The following CMIP variants were observed in gnomAD, a reference collection of about 807,000 sequenced individuals.
CMIP encodes C-Maf-inducing protein.
A neutral mutation model predicts 97.3 loss-of-function variants in CMIP; 13 were observed. The ratio of observed to expected loss-of-function variants is 0.13; its 90% CI spans 0.09 to 0.21. The LOEUF (loss-of-function observed/expected upper bound fraction) is 0.21. CMIP is among the 10% of genes least tolerant of loss of function. CMIP has a pLI of 1.00. For synonymous variants in CMIP, 538 were observed against 436.3 expected (o/e 1.23, Z -2.91); for missense variants, 847 against 1,024.9 (o/e 0.83, Z 2.37).
At chr16:81,551,022 A>G (rs1269446808) in intron 1 of CMIP, among the ~76,000 whole-genome samples, 10 of 71,740 alleles carry the variant, frequency 1.4e-4, no homozygotes, top group Admixed American at 6.7e-4. Flanking sequence ...ACCCCAGTTC[A>G]TCACACGCAC....
chr16:81,629,793 T>TG (rs769769676), intron 3 of CMIP, among the ~76,000 whole-genome samples: 2 of 152,232 alleles, frequency 1.3e-5, no homozygotes, highest in Non-Finnish European at 1.5e-5. Flanking sequence ...GAATCGTCCG[T>TG]GAAGAGGCTG....
Position 81,453,027 on chromosome 16 carries a change from A to C in CMIP, c.300+7486A>C, listed in dbSNP as rs964866953. Reference sequence around the variant, plus strand: ...CGCAACTCCCTTTGTCCATAACTACACTCTAAGGATCCTAGGATCTAGAAC... The same window carrying C: ...CGCAACTCCCTTTGTCCATAACTACCCTCTAAGGATCCTAGGATCTAGAAC... On this transcript the variant is annotated intron_variant, in intron 1 of 20. Coordinates refer to ENST00000537098, the MANE Select transcript of CMIP (RefSeq NM_198390.3). The surrounding 1 kb of genome is among the most constrained non-coding windows in gnomAD (Gnocchi z 4.0). Among the ~76,000 whole-genome samples, 1 of 150,398 alleles carries C rather than the reference A, an allele frequency of 6.6e-6. No individual in the cohort carries two copies. Among genetic ancestry groups the C allele is most frequent in the African/African-American group, 2.4e-5 (1 of 40,926 alleles).
intron 1 of CMIP, among the ~76,000 whole-genome samples, chr16:81,496,739 C>T (rs2089497927): frequency 6.6e-6 from 1 of 152,328 alleles, no homozygotes; most frequent in African/African-American, 2.4e-5. Context: ...CCCTGCGGAC[C>T]CTGGACCCCT....
At chr16:81,577,037 TCATC>T (rs1567589604) in intron 1 of CMIP, among the ~76,000 whole-genome samples, 4,432 of 137,574 alleles carry the variant, frequency 0.032, 243 homozygotes, top group African/African-American at 0.093. Flanking sequence ...ACCATCACCA[TCATC>T]ACCATCATAA....
In CMIP at chr16:81,711,034, C is replaced by G. The variant is rs1190185426; in HGVS notation, c.*1235C>G. The G allele has an allele frequency of 1.3e-5, 2 of 150,434 alleles. No individual in the cohort carries two copies. Among genetic ancestry groups the G allele is most frequent in the Non-Finnish European group, 3.0e-5 (2 of 67,668 alleles). The allele number at this position is 150,434 out of a possible 1,614,324, so 9.3% of individuals were successfully genotyped here. A position where few individuals can be genotyped will look rare whatever the true frequency, so the allele number is the denominator to read the frequency against. On this transcript the variant is annotated 3_prime_UTR_variant, in exon 21 of 21. Coordinates refer to ENST00000537098, the MANE Select transcript of CMIP (RefSeq NM_198390.3). ...CCTCCCCACCCCACCCCCGCCACCC[C>G]CCACATGTGACCACTGCAACGAAGA...
intron 1 of CMIP, among the ~76,000 whole-genome samples, chr16:81,557,361 A>G (rs957628478): frequency 6.6e-6 from 1 of 152,128 alleles, no homozygotes. Context: ...TGTTGGTTGA[A>G]TTCACTCATG....
At chr16:81,607,514 A>C in intron 1 of CMIP, 53 bp from the exon 2 acceptor site, 12 of 1,598,084 alleles carry the variant, frequency 7.5e-6, no homozygotes, top group Non-Finnish European at 1.0e-5. Flanking sequence ...TGCGGACGTC[A>C]TGCCTGCTAC....
chr16:81,691,723 A>G, intron 10 of CMIP, 52 bp from the exon 11 acceptor site: 1 of 1,542,284 alleles, frequency 6.5e-7, no homozygotes, highest in Non-Finnish European at 8.9e-7. Flanking sequence ...AAACAGTGCC[A>G]TAAACCTTCC....
intron 1 of CMIP, among the ~76,000 whole-genome samples, chr16:81,450,542 G>A (rs896924746): frequency 6.6e-6 from 1 of 152,176 alleles, no homozygotes; most frequent in African/African-American, 2.4e-5. Flanking sequence ...TCCAATTCCT[G>A]TTTTGCTAAT....
intron 10 of CMIP, among the ~76,000 whole-genome samples, chr16:81,683,159 G>A (rs1005141355): frequency 6.6e-6 from 1 of 152,192 alleles, no homozygotes; most frequent in African/African-American, 2.4e-5. Flanking sequence ...CCTGAGTATT[G>A]CCAAGTGCTA....
At chr16:81,523,402 C>T (rs2090067052) in intron 1 of CMIP, among the ~76,000 whole-genome samples, 1 of 152,188 alleles carries the variant, frequency 6.6e-6, no homozygotes, top group South Asian at 2.1e-4. Flanking sequence ...GGGGGACAGA[C>T]TCACCCCCTG....
chr16:81,612,820 G>T (rs570835345), intron 2 of CMIP, among the ~76,000 whole-genome samples: 48 of 152,088 alleles, frequency 3.2e-4, no homozygotes, highest in Non-Finnish European at 6.0e-4. Flanking sequence ...TCTCCTCTGA[G>T]TGACCCTCAG....
In CMIP at chr16:81,607,552, C is replaced by A; in HGVS notation, c.301-15C>A. The A allele has an allele frequency of 9.3e-6, 15 of 1,612,634 alleles. No individual in the cohort carries two copies. The highest frequency in any genetic ancestry group is 1.1e-5 in the Non-Finnish European group (13 of 1,179,618). On this transcript the variant is annotated splice_polypyrimidine_tract_variant and intron_variant, in intron 1 of 20. Coordinates refer to ENST00000537098, the MANE Select transcript of CMIP (RefSeq NM_198390.3). ...TAACCAATGCATATCTCTTCTTTTT[C>A]TTTTTTTGCTGCAGCCAACTGGGTA...
intron 10 of CMIP, among the ~76,000 whole-genome samples, chr16:81,686,685 C>T (rs533589833): frequency 1.3e-5 from 2 of 152,286 alleles, no homozygotes; most frequent in East Asian, 1.9e-4. Flanking sequence ...GCCACTCTAT[C>T]GTGGGCTTAT....
chr16:81,482,942 G>T (rs1023496329), intron 1 of CMIP, among the ~76,000 whole-genome samples: 3 of 152,230 alleles, frequency 2.0e-5, no homozygotes, highest in African/African-American at 7.2e-5. Context: ...GCGGTGGCGC[G>T]TCCACTGTGC....
chr16:81,642,722 C>G (rs1029177125), intron 3 of CMIP, among the ~76,000 whole-genome samples: 1 of 152,032 alleles, frequency 6.6e-6, no homozygotes, highest in Non-Finnish European at 1.5e-5. Context: ...ATGGCGAAAC[C>G]CTGTCTCTAC....
chr16:81,471,314 ACG>A (rs1453965554), intron 1 of CMIP, among the ~76,000 whole-genome samples: 2 of 152,240 alleles, frequency 1.3e-5, no homozygotes, highest in African/African-American at 2.4e-5. Context: ...ATGTACCCAC[ACG>A]CACACATATG....
intron 1 of CMIP, among the ~76,000 whole-genome samples, chr16:81,514,053 A>AAAC (rs1217560104): frequency 5.8e-5 from 3 of 51,494 alleles, no homozygotes; most frequent in Non-Finnish European, 6.5e-5. Context: ...AAACAAAACA[A>AAAC]AAACGCCGCC....
chr16:81,553,994 A>G (rs1291773021), intron 1 of CMIP, among the ~76,000 whole-genome samples: 1 of 152,262 alleles, frequency 6.6e-6, no homozygotes, highest in African/African-American at 2.4e-5. Context: ...GTAATTTTCC[A>G]CATCAGAATC....
Sources: allele counts gnomAD v4.1 joint callset (sites outside exome capture counted in the v4.1 genomes callset), GRCh38; gene constraint gnomAD v4.1.1; non-coding constraint Gnocchi (gnomAD v3.1); transcripts MANE v1.5; gene names NCBI Gene and HGNC (gene_info 2026-07-23, HGNC 2026-07-21).